DSCAML1: variants seen among roughly 807,000 people sequenced by gnomAD.
DSCAML1 encodes DS cell adhesion molecule like 1, also known as cell adhesion molecule DSCAML1.
A neutral mutation model predicts 200.5 loss-of-function variants in DSCAML1; 38 were observed. The observed-to-expected ratio is 0.19, with a 90% CI of 0.15 to 0.25. The LOEUF is 0.25. DSCAML1 is among the 10% of genes least tolerant of loss of function. DSCAML1 has a pLI of 1.00. For synonymous variants in DSCAML1, 1,215 were observed against 1,165.0 expected (o/e 1.04, Z -0.87); for missense variants, 2,223 against 2,858.8 (o/e 0.78, Z 5.07).
intron 6 of DSCAML1, 79 bp downstream of exon 6, chr11:117,521,051 T>C: frequency 1.3e-6 from 2 of 1,554,612 alleles, no homozygotes; most frequent in Non-Finnish European, 1.7e-6. Context: ...CTCCTGGCAT[T>C]GCTCCCACCT....
intron 3 of DSCAML1, among the ~76,000 whole-genome samples, chr11:117,715,418 C>T (rs1013086413): frequency 3.3e-5 from 5 of 152,314 alleles, no homozygotes; most frequent in African/African-American, 1.2e-4. Flanking sequence ...AGTTAATGCA[C>T]TTCAATGGGA....
At chr11:117,816,565 G>A (rs1490117269) in intron 1 of DSCAML1, among the ~76,000 whole-genome samples, 6 of 152,180 alleles carry the variant, frequency 3.9e-5, no homozygotes, top group Admixed American at 6.5e-5. Context: ...CCCCACAGCA[G>A]CCCTGCCGAG....
chr11:117,489,276 G>A lies in DSCAML1; in HGVS notation c.2360-7114C>T, dbSNP rs1011630351. 6.6e-6 allele frequency among the ~76,000 whole-genome samples: 1 copy of A among 152,224 alleles called. No individual in the cohort carries two copies. The highest frequency in any genetic ancestry group is 2.4e-5 in the African/African-American group (1 of 41,462). On this transcript the variant is annotated intron_variant, in intron 11 of 32. Transcript: ENST00000651296. The surrounding 1 kb of genome is among the most constrained non-coding windows in gnomAD (Gnocchi z 4.8). ...GACTGCTGCTTTAGGGGTGCAGGCG[G>A]GAGAGCCGGGGTGGGGTATATGCAC...
At chr11:117,501,024 CG>C (rs2049383343) in intron 11 of DSCAML1, among the ~76,000 whole-genome samples, 1 of 151,958 alleles carries the variant, frequency 6.6e-6, no homozygotes, top group Non-Finnish European at 1.5e-5. Flanking sequence ...TGCAAGTGGG[CG>C]ATGATGTGGG....
intron 20 of DSCAML1, among the ~76,000 whole-genome samples, chr11:117,448,637 G>C (rs960209078): frequency 2.3e-5 from 2 of 88,474 alleles, no homozygotes; most frequent in Admixed American, 2.5e-4. Context: ...GTGTGTGTGT[G>C]TGGGGGGTGG....
Position 117,504,978 on chromosome 11 carries a change from T to A in DSCAML1, c.2128A>T (p.Asn710Tyr). The A allele has an allele frequency of 6.2e-7, 1 of 1,611,910 alleles. No individual in the cohort carries two copies. Among genetic ancestry groups the A allele is most frequent in the Non-Finnish European group, 8.5e-7 (1 of 1,178,780 alleles). The part of the protein sequence containing the change: ...DGIYGKAGVL[N>Y]CSVDGYPPPK... Reference sequence around the variant, plus strand: ...GGGGGGTAGCCGTCCACCGAGCAGTTGAGCACACCAGCTTTGCCGTAGATG... The same window carrying A: ...GGGGGGTAGCCGTCCACCGAGCAGTAGAGCACACCAGCTTTGCCGTAGATG... Residue 710 changes from asparagine (N) to tyrosine (Y), a missense_variant, in exon 10 of 33, where the codon AAC (asparagine) becomes TAC (tyrosine). Physicochemically the swap from Asn to Tyr is moderately radical, Grantham distance 143. Transcript: ENST00000651296. The surrounding 1 kb of genome is among the most constrained non-coding windows in gnomAD (Gnocchi z 5.0).
chr11:117,697,364 G>T (rs2053601103), intron 3 of DSCAML1, among the ~76,000 whole-genome samples: 1 of 152,176 alleles, frequency 6.6e-6, no homozygotes, highest in Non-Finnish European at 1.5e-5. Flanking sequence ...GGCAAACCTG[G>T]AATGGATCTA....
At chr11:117,459,827 G>T (rs558734682) in intron 18 of DSCAML1, among the ~76,000 whole-genome samples, 2 of 152,362 alleles carry the variant, frequency 1.3e-5, no homozygotes, top group Admixed American at 1.3e-4. Flanking sequence ...CCTCGCGGAT[G>T]GTCCAGGGCA....
chr11:117,543,302 G>A (rs571123148), intron 3 of DSCAML1, among the ~76,000 whole-genome samples: 2 of 152,344 alleles, frequency 1.3e-5, no homozygotes, highest in East Asian at 3.9e-4. Context: ...GCGCTGGCAT[G>A]TTGTGTACCT....
chr11:117,491,241 A>G (rs2049176277), intron 11 of DSCAML1, among the ~76,000 whole-genome samples: 2 of 152,234 alleles, frequency 1.3e-5, no homozygotes, highest in African/African-American at 4.8e-5. Context: ...CATGACTACG[A>G]TAATAATCAT....
At chr11:117,490,456 C>A (rs147483467) in intron 11 of DSCAML1, among the ~76,000 whole-genome samples, 1 of 152,188 alleles carries the variant, frequency 6.6e-6, no homozygotes, top group Non-Finnish European at 1.5e-5. Flanking sequence ...GGTCCCCAGA[C>A]CCTGCCACGG....
chr11:117,580,054 T>TC (rs1255820008), intron 3 of DSCAML1, among the ~76,000 whole-genome samples: 1 of 152,154 alleles, frequency 6.6e-6, no homozygotes, highest in African/African-American at 2.4e-5. Context: ...GCCTTACCCA[T>TC]CTTCAAGTGT....
chr11:117,755,447 G>A (rs770694190), intron 3 of DSCAML1, among the ~76,000 whole-genome samples: 2 of 152,162 alleles, frequency 1.3e-5, no homozygotes. Flanking sequence ...GGAGTTCTGA[G>A]AGGTAAGTAA....
At chr11:117,578,008 G>A (rs1396836055) in intron 3 of DSCAML1, among the ~76,000 whole-genome samples, 1 of 151,718 alleles carries the variant, frequency 6.6e-6, no homozygotes, top group African/African-American at 2.4e-5. Context: ...GCTGGGATGG[G>A]TGGATCACCT....
In DSCAML1 at chr11:117,780,527, G is replaced by C. The variant is rs1335300979; in HGVS notation, c.330C>G (p.Gly110=). Residue 110 remains glycine (G), a synonymous_variant, in exon 2 of 33, where the codon GGC becomes GGG. Transcript: ENST00000651296. The surrounding 1 kb of genome is among the most constrained non-coding windows in gnomAD (Gnocchi z 4.8). ...DYFCTAENAA[G]KIRSPNIRVK... Reference sequence around the variant, plus strand: ...CGCGGATGTTGGGGCTCCGGATCTTGCCGGCAGCGTTCTCCGCGGTGCAGA... The same window carrying C: ...CGCGGATGTTGGGGCTCCGGATCTTCCCGGCAGCGTTCTCCGCGGTGCAGA... The C allele has an allele frequency of 1.4e-6, 2 of 1,460,932 alleles. No homozygotes were observed. Among genetic ancestry groups the C allele is most frequent in the Non-Finnish European group, 1.8e-6 (2 of 1,100,262 alleles). The allele number at this position is 1,460,932 out of a possible 1,614,324, so 90.5% of individuals were successfully genotyped here.
chr11:117,433,947 C>T (rs1300941650), intron 27 of DSCAML1, among the ~76,000 whole-genome samples: 1 of 152,218 alleles, frequency 6.6e-6, no homozygotes, highest in Non-Finnish European at 1.5e-5. Context: ...TCCTCTGGGG[C>T]CTCTGTCCCC....
At chr11:117,723,704 G>C (rs2054076265) in intron 3 of DSCAML1, among the ~76,000 whole-genome samples, 1 of 152,166 alleles carries the variant, frequency 6.6e-6, no homozygotes, top group Admixed American at 6.5e-5. Flanking sequence ...CCCTTGAAAA[G>C]TAAAATGACA....
intron 3 of DSCAML1, among the ~76,000 whole-genome samples, chr11:117,627,665 C>G (rs2052080881): frequency 1.3e-5 from 2 of 152,146 alleles, no homozygotes; most frequent in South Asian, 4.2e-4. Flanking sequence ...GCTTCGGGAA[C>G]TCCTGCGCCA....
intron 3 of DSCAML1, among the ~76,000 whole-genome samples, chr11:117,549,748 C>T (rs1316713820): frequency 6.6e-6 from 1 of 152,206 alleles, no homozygotes; most frequent in Non-Finnish European, 1.5e-5. Flanking sequence ...CCATTTTCCT[C>T]TTCTTAGAAC....
Sources: gnomAD v4.1 joint callset for allele counts (sites outside exome capture counted in the v4.1 genomes callset) on GRCh38, gnomAD v4.1.1 for gene constraint, Gnocchi (gnomAD v3.1) non-coding constraint, MANE v1.5 for transcripts, NCBI Gene and HGNC (gene_info 2026-07-23, HGNC 2026-07-21) for gene names.